GRXCR2: variants seen among roughly 807,000 people sequenced by gnomAD.
The protein encoded by GRXCR2 is glutaredoxin and cysteine rich domain containing 2.
GRXCR2 carries 23 observed loss-of-function variants against 24.8 expected under a neutral mutation model. That is an observed-to-expected ratio of 0.93 (90% CI 0.67 to 1.32). The LOEUF is 1.32. GRXCR2 is among the 40% of genes most tolerant of loss of function. The probability of loss-of-function intolerance (pLI) is 0.00; values close to 1 mark genes in which losing one functional copy is unlikely to be tolerated. For missense variants in GRXCR2, 315 were observed against 303.4 expected, an observed-to-expected ratio of 1.04 and a Z score of -0.28; for synonymous variants, 130 against 116.1, an observed-to-expected ratio of 1.12 and a Z score of -0.77.
chr5:145,885,543 A>G (rs1428923837), intron 2 of GRXCR2, among the ~76,000 whole-genome samples: 1 of 152,222 alleles, frequency 6.6e-6, no homozygotes, highest in African/African-American at 2.4e-5. Flanking sequence ...CTCAAAGTAC[A>G]ACTTACAGAG....
chr5:145,864,575 G>A (rs1756395791), intron 2 of GRXCR2, among the ~76,000 whole-genome samples: 1 of 152,082 alleles, frequency 6.6e-6, no homozygotes, highest in Admixed American at 6.5e-5. Context: ...TGATAAGTGA[G>A]TTCTCACCAG....
chr5:145,897,292 T>G (rs1026161416), intron 2 of GRXCR2, among the ~76,000 whole-genome samples: 1 of 147,406 alleles, frequency 6.8e-6, no homozygotes, highest in Non-Finnish European at 1.5e-5. Flanking sequence ...CATACAAACG[T>G]TGTGCACATA....
chr5:145,914,913 C>T (rs924183042), intron 2 of GRXCR2, among the ~76,000 whole-genome samples: 1 of 152,168 alleles, frequency 6.6e-6, no homozygotes, highest in Non-Finnish European at 1.5e-5. Context: ...TTTCCTAATG[C>T]TATAGTCTTA....
chr5:145,866,475 C>T lies in GRXCR2; in HGVS notation c.564+26G>A, dbSNP rs183701679. On this transcript the variant is annotated intron_variant, in intron 2 of 2. Transcript: ENST00000377976. ...CCATTGCTGTAGGGCCAGCTCCGAGCAGGACAGTCAAGCTCCCCAACGCAC... is the reference window on the plus strand; with the variant it reads ...CCATTGCTGTAGGGCCAGCTCCGAGTAGGACAGTCAAGCTCCCCAACGCAC... 238 of 1,559,936 alleles carry T rather than the reference C, an allele frequency of 1.5e-4. 2 individuals carry two copies. The African/African-American group carries it at 2.8e-3, about 19-fold the overall frequency.
At chr5:145,919,367 T>C (rs1487133728) in intron 2 of GRXCR2, among the ~76,000 whole-genome samples, 1 of 152,162 alleles carries the variant, frequency 6.6e-6, no homozygotes, top group African/African-American at 2.4e-5. Flanking sequence ...CATATCTAAT[T>C]AACCCTCACA....
At position 145,920,679 on chromosome 5, in the gene GRXCR2, G is replaced by A. The variant is rs370512895; in HGVS notation, c.-70+15022C>T. On this transcript the variant is annotated intron_variant, in intron 2 of 3. Transcript: ENST00000639411. ...GTTCCTATGGAAACCAGAAAAGGTA[G>A]CTTCAGTTCCAGGTCAGGAAAGACA... 3.0e-3 allele frequency among the ~76,000 whole-genome samples: 459 copies of A among 152,318 alleles called. 1 individual carries two copies. Among genetic ancestry groups the A allele is most frequent in the African/African-American group, 0.011 (440 of 41,562 alleles).
At chr5:145,885,097 C>G (rs200952571) in intron 2 of GRXCR2, among the ~76,000 whole-genome samples, 11 of 147,714 alleles carry the variant, frequency 7.4e-5, no homozygotes, top group South Asian at 2.1e-4. Flanking sequence ...GTGTGTGTGT[C>G]TGTGTGTGTG....
intron 2 of GRXCR2, among the ~76,000 whole-genome samples, chr5:145,863,778 C>T (rs1756381226): frequency 6.6e-6 from 1 of 152,184 alleles, no homozygotes; most frequent in Non-Finnish European, 1.5e-5. Flanking sequence ...TGAACTACCA[C>T]ACCCGGCCCA....
At chr5:145,919,665 GATC>G (rs1757296693) in intron 2 of GRXCR2, among the ~76,000 whole-genome samples, 1 of 152,170 alleles carries the variant, frequency 6.6e-6, no homozygotes, top group Non-Finnish European at 1.5e-5. Flanking sequence ...AATTCAGACT[GATC>G]ATTAGGTGAC....
intron 2 of GRXCR2, among the ~76,000 whole-genome samples, chr5:145,899,731 C>G (rs984112149): frequency 6.6e-6 from 1 of 152,142 alleles, no homozygotes; most frequent in African/African-American, 2.4e-5. Context: ...GAAATTGGAC[C>G]TTTACCTTTT....
intron 2 of GRXCR2, among the ~76,000 whole-genome samples, chr5:145,887,209 G>T (rs1188643516): frequency 1.5e-4 from 23 of 152,170 alleles, no homozygotes; most frequent in Non-Finnish European, 1.5e-5. Flanking sequence ...CAATCCTCCT[G>T]CTTCAGCCTC....
chr5:145,930,443 G>A (rs1253808483), intron 2 of GRXCR2, among the ~76,000 whole-genome samples: 3 of 152,110 alleles, frequency 2.0e-5, no homozygotes, highest in African/African-American at 7.2e-5. Flanking sequence ...ATTTAACTGG[G>A]ATTCAGTGAT....
intron 2 of GRXCR2, among the ~76,000 whole-genome samples, chr5:145,900,245 C>G (rs968955767): frequency 1.3e-5 from 2 of 151,918 alleles, no homozygotes; most frequent in Non-Finnish European, 2.9e-5. Flanking sequence ...CTTACGAGAT[C>G]TGGTTGATTA....
intron 2 of GRXCR2, among the ~76,000 whole-genome samples, chr5:145,891,133 T>A (rs1164103174): frequency 1.3e-5 from 2 of 152,068 alleles, no homozygotes; most frequent in African/African-American, 4.8e-5. Flanking sequence ...CTTCCAGACC[T>A]ATGAAAAGAC....
At chr5:145,863,906 A>G (rs1260232756) in intron 2 of GRXCR2, among the ~76,000 whole-genome samples, 4 of 152,176 alleles carry the variant, frequency 2.6e-5, no homozygotes, top group Non-Finnish European at 4.4e-5. Context: ...GTTAACTAAT[A>G]TTCACTGATT....
At chr5:145,917,913 G>T (rs111869699) in intron 2 of GRXCR2, among the ~76,000 whole-genome samples, 1 of 152,162 alleles carries the variant, frequency 6.6e-6, no homozygotes, top group Non-Finnish European at 1.5e-5. Context: ...CCAAGTAGCT[G>T]GGACTACAGG....
At chr5:145,912,044 C>A (rs2149925823) in intron 2 of GRXCR2, among the ~76,000 whole-genome samples, 1 of 152,300 alleles carries the variant, frequency 6.6e-6, no homozygotes, top group South Asian at 2.1e-4. Flanking sequence ...CTGCAGTGAG[C>A]TGTGATTGTG....
At chr5:145,889,244 G>T (rs973188535) in intron 2 of GRXCR2, among the ~76,000 whole-genome samples, 5 of 147,360 alleles carry the variant, frequency 3.4e-5, no homozygotes, top group Admixed American at 1.3e-4. Context: ...AAGAAAGAAA[G>T]AATTATGCAA....
chr5:145,859,777 A>T lies in GRXCR2; in HGVS notation c.703T>A (p.Cys235Ser), dbSNP rs1756298934. 1 of 1,614,084 alleles carries T rather than the reference A, an allele frequency of 6.2e-7. No individual in the cohort carries two copies. Among genetic ancestry groups the T allele is most frequent in the African/African-American group, 1.3e-5 (1 of 74,950 alleles). ...CAAGGCTGTAGGCCATTCTCATTGCAGGCAGGGCACCTCAGGGCCCGATAG... is the reference window on the plus strand; with the variant it reads ...CAAGGCTGTAGGCCATTCTCATTGCTGGCAGGGCACCTCAGGGCCCGATAG... The part of the protein sequence containing the change: ...ESYRALRCPA[C>S]NENGLQPCQI... The change falls in exon 3 of 3, where the codon TGC becomes AGC. Residue 235 changes from cysteine (C) to serine (S), a missense_variant. Physicochemically the swap from Cys to Ser is moderately radical, Grantham distance 112. Coordinates refer to ENST00000377976, the MANE Select transcript of GRXCR2 (RefSeq NM_001080516.2).
Sources: gnomAD v4.1 joint callset for allele counts (sites outside exome capture counted in the v4.1 genomes callset) on GRCh38, gnomAD v4.1.1 for gene constraint, MANE v1.5 for transcripts, NCBI Gene and HGNC (gene_info 2026-07-23, HGNC 2026-07-21) for gene names.